SCHIP1: variants seen among roughly 807,000 people sequenced by gnomAD.
The protein encoded by SCHIP1 is schwannomin-interacting protein 1.
A neutral mutation model predicts 29.7 loss-of-function variants in SCHIP1; 8 were observed. The ratio of observed to expected loss-of-function variants is 0.27; its 90% CI spans 0.16 to 0.49. The LOEUF (loss-of-function observed/expected upper bound fraction) is 0.49. Among genes scored for constraint, SCHIP1 ranks in the 20% least tolerant of loss-of-function variants. The pLI, the probability that SCHIP1 is intolerant of heterozygous loss-of-function variation, is 0.99. For synonymous variants in SCHIP1, 76 were observed against 94.9 expected, an observed-to-expected ratio of 0.80 and a Z score of 1.16; for missense variants, 193 against 294.6, an observed-to-expected ratio of 0.66 and a Z score of 2.52.
chr3:159,354,173 G>T, the SCHIP1 span, among the ~76,000 whole-genome samples: 1 of 152,246 alleles, frequency 6.6e-6, no homozygotes, highest in South Asian at 2.1e-4. Flanking sequence ...TGTTATTTCA[G>T]CTAGATTCAC....
chr3:159,783,795 A>G, the SCHIP1 span, among the ~76,000 whole-genome samples: 27 of 152,296 alleles, frequency 1.8e-4, no homozygotes, highest in Admixed American at 4.6e-4. Context: ...TCCCAGGTCT[A>G]CTGGAAGCTG....
the SCHIP1 span, among the ~76,000 whole-genome samples, chr3:159,696,147 G>A: frequency 2.0e-5 from 3 of 152,132 alleles, no homozygotes; most frequent in Admixed American, 6.5e-5. Context: ...TCAGAATAAT[G>A]TTCAAACTCC....
chr3:159,749,565 C>T, the SCHIP1 span, among the ~76,000 whole-genome samples: 1 of 152,116 alleles, frequency 6.6e-6, no homozygotes, highest in Non-Finnish European at 1.5e-5. Flanking sequence ...GGTTGCTGGG[C>T]ATTGTGTGCA....
the SCHIP1 span, among the ~76,000 whole-genome samples, chr3:159,806,945 G>T: frequency 6.6e-6 from 1 of 152,172 alleles, no homozygotes; most frequent in Non-Finnish European, 1.5e-5. Context: ...CTAAAGTATT[G>T]TATCAGTTTT....
the SCHIP1 span, among the ~76,000 whole-genome samples, chr3:159,756,419 G>C: frequency 1.3e-5 from 2 of 152,164 alleles, no homozygotes; most frequent in Non-Finnish European, 2.9e-5. Context: ...CTGGGACATA[G>C]GGCACCAAGT....
At chr3:159,501,681 A>G in the SCHIP1 span, among the ~76,000 whole-genome samples, 2 of 152,228 alleles carry the variant, frequency 1.3e-5, no homozygotes, top group African/African-American at 4.8e-5. Flanking sequence ...TCAATTTCAT[A>G]CATAGCATTT....
At chr3:159,608,181 T>A in the SCHIP1 span, among the ~76,000 whole-genome samples, 2 of 152,344 alleles carry the variant, frequency 1.3e-5, no homozygotes, top group African/African-American at 4.8e-5. Context: ...TGATGATGTA[T>A]CTGCTATTGG....
the SCHIP1 span, among the ~76,000 whole-genome samples, chr3:159,483,575 A>T: frequency 6.6e-6 from 1 of 152,284 alleles, no homozygotes; most frequent in Middle Eastern, 3.4e-3. Flanking sequence ...TATTCCATAA[A>T]CTCAAAGTTT....
the SCHIP1 span, among the ~76,000 whole-genome samples, chr3:159,513,513 A>G: frequency 1.3e-5 from 2 of 151,996 alleles, no homozygotes; most frequent in African/African-American, 4.8e-5. Context: ...CAAAGCTGAG[A>G]CTTAGATTAA....
the SCHIP1 span, among the ~76,000 whole-genome samples, chr3:159,432,663 C>T: frequency 3.3e-5 from 5 of 152,106 alleles, no homozygotes; most frequent in African/African-American, 1.2e-4. Flanking sequence ...ATCTGAGATT[C>T]ATTAGGTGTG....
At chr3:159,868,466 A>G (rs1160514075) in intron 2 of SCHIP1, among the ~76,000 whole-genome samples, 1 of 152,076 alleles carries the variant, frequency 6.6e-6, no homozygotes, top group Non-Finnish European at 1.5e-5. Context: ...TTAGAGTCAA[A>G]TAGCTATTTA....
chr3:159,574,665 T>C, the SCHIP1 span, among the ~76,000 whole-genome samples: 1 of 152,256 alleles, frequency 6.6e-6, no homozygotes, highest in African/African-American at 2.4e-5. Flanking sequence ...CAGGAATGTT[T>C]AAGTCTGCAG....
At chr3:159,624,910 T>A in the SCHIP1 span, among the ~76,000 whole-genome samples, 3 of 152,004 alleles carry the variant, frequency 2.0e-5, no homozygotes, top group African/African-American at 7.3e-5. Flanking sequence ...TGTGCAAGGT[T>A]TATACCCTCT....
At chr3:159,530,573 T>C in the SCHIP1 span, among the ~76,000 whole-genome samples, 3 of 152,178 alleles carry the variant, frequency 2.0e-5, no homozygotes, top group Non-Finnish European at 4.4e-5. Flanking sequence ...TCAGGCTCCC[T>C]CTTCACCATG....
chr3:159,522,566 G>A, the SCHIP1 span, among the ~76,000 whole-genome samples: 1 of 152,146 alleles, frequency 6.6e-6, no homozygotes, highest in African/African-American at 2.4e-5. Context: ...TGTCTACTGT[G>A]GTTAACATAA....
At chr3:159,869,154 G>T (rs545494816) in intron 2 of SCHIP1, among the ~76,000 whole-genome samples, 1 of 151,878 alleles carries the variant, frequency 6.6e-6, no homozygotes, top group African/African-American at 2.4e-5. Flanking sequence ...TTAATACACT[G>T]TATGTATTGC....
At chr3:159,554,220 C>T in the SCHIP1 span, among the ~76,000 whole-genome samples, 4 of 152,092 alleles carry the variant, frequency 2.6e-5, no homozygotes, top group African/African-American at 9.7e-5. Context: ...CTACTGTATC[C>T]TGATTGTGCT....
At chr3:159,517,449 A>C in the SCHIP1 span, among the ~76,000 whole-genome samples, 1 of 152,146 alleles carries the variant, frequency 6.6e-6, no homozygotes. Flanking sequence ...TATTTGGATC[A>C]TGGATGAAAA....
chr3:159,415,300 T>C, the SCHIP1 span, among the ~76,000 whole-genome samples: 2 of 152,160 alleles, frequency 1.3e-5, no homozygotes, highest in African/African-American at 2.4e-5. Flanking sequence ...GGATATTTTG[T>C]TTAACTTTTA....
Sources: gnomAD v4.1 joint callset for allele counts (sites outside exome capture counted in the v4.1 genomes callset) on GRCh38, gnomAD v4.1.1 for gene constraint, MANE v1.5 for transcripts, NCBI Gene and HGNC (gene_info 2026-07-23, HGNC 2026-07-21) for gene names.